ATP8B4: variants seen among roughly 807,000 people sequenced by gnomAD.
ATP8B4 encodes ATPase phospholipid transporting 8B4 (putative), also known as probable phospholipid-transporting ATPase IM.
In ATP8B4, 133 loss-of-function variants were observed where a neutral mutation model predicts 145.6. The ratio of observed to expected loss-of-function variants is 0.91; its 90% CI spans 0.79 to 1.05. The LOEUF is 1.05. Ranked by LOEUF, ATP8B4 falls within the 50% of genes least tolerant of loss-of-function variation. The probability of loss-of-function intolerance (pLI) is 0.00; values close to 1 mark genes in which losing one functional copy is unlikely to be tolerated. For synonymous variants in ATP8B4, 507 were observed against 492.9 expected (o/e 1.03, Z -0.38); for missense variants, 1,458 against 1,425.2 (o/e 1.02, Z -0.37).
intron 1 of ATP8B4, among the ~76,000 whole-genome samples, chr15:50,162,134 G>T (rs1173723403): frequency 6.6e-6 from 1 of 152,020 alleles, no homozygotes. Context: ...TCTGCTACCA[G>T]ATGTATTGGA....
chr15:49,879,475 ACATAT>A lies in ATP8B4; in HGVS notation c.2698-21_2698-17del. 6.4e-7 allele frequency: 1 copy of A among 1,570,462 alleles called. No homozygotes were observed. The highest frequency in any genetic ancestry group is 8.7e-7 in the Non-Finnish European group (1 of 1,148,286). ...CATAAACAGTCTGAAAAGAAATATA[ACATAT>A]AAGTGAGAAACATCATCCATAGTAG... On this transcript the variant is annotated splice_polypyrimidine_tract_variant and intron_variant, in intron 23 of 27. Transcript: ENST00000284509.
In ATP8B4 at chr15:49,991,242, C is replaced by A. The variant is rs113200700; in HGVS notation, c.590-3693G>T. 6.6e-5 allele frequency among the ~76,000 whole-genome samples: 10 copies of A among 152,262 alleles called. 1 individual carries two copies. The highest frequency in any genetic ancestry group is 2.4e-4 in the African/African-American group (10 of 41,552). Reference sequence around the variant, plus strand: ...TTTCCATGTTTTAATTACACACATGCTATTCTTTAGAAAGAACCACAAAAT... The same window carrying A: ...TTTCCATGTTTTAATTACACACATGATATTCTTTAGAAAGAACCACAAAAT... On this transcript the variant is annotated intron_variant, in intron 9 of 27. Transcript: ENST00000284509.
intron 25 of ATP8B4, among the ~76,000 whole-genome samples, chr15:49,869,583 A>T (rs927199704): frequency 1.3e-5 from 2 of 152,230 alleles, no homozygotes; most frequent in African/African-American, 2.4e-5. Context: ...TATAGCTTAA[A>T]TTATATGAGG....
intron 20 of ATP8B4, chr15:49,908,201 C>A: frequency 2.3e-6 from 1 of 431,242 alleles, no homozygotes; most frequent in African/African-American, 2.0e-5. Flanking sequence ...TTATTAAAAT[C>A]TAGATCTGTT....
intron 3 of ATP8B4, among the ~76,000 whole-genome samples, chr15:50,049,862 G>C (rs1647000067): frequency 6.6e-6 from 1 of 151,988 alleles, no homozygotes; most frequent in Admixed American, 6.5e-5. Flanking sequence ...TGACTGGTGT[G>C]AGATGGCATC....
intron 3 of ATP8B4, among the ~76,000 whole-genome samples, chr15:50,051,893 A>G (rs1051733559): frequency 2.6e-5 from 4 of 152,200 alleles, no homozygotes; most frequent in African/African-American, 9.7e-5. Context: ...AGAAACTATG[A>G]CAATTTTCTC....
chr15:49,989,423 T>TA (rs11429655), intron 9 of ATP8B4, among the ~76,000 whole-genome samples: 50,089 of 148,444 alleles, frequency 0.34, 8,785 homozygotes, highest in East Asian at 0.65. Context: ...CCTAGCCACT[T>TA]AAAAAAAAAA....
chr15:50,178,301 C>G (rs977798416), intron 1 of ATP8B4, among the ~76,000 whole-genome samples: 2 of 152,172 alleles, frequency 1.3e-5, no homozygotes, highest in Non-Finnish European at 2.9e-5. Flanking sequence ...GACGGAGAAT[C>G]TCCATGTCTG....
intron 2 of ATP8B4, among the ~76,000 whole-genome samples, chr15:50,085,562 C>T (rs953261416): frequency 2.0e-5 from 3 of 151,940 alleles, no homozygotes; most frequent in Non-Finnish European, 4.4e-5. Context: ...TCACATCCTA[C>T]GGCACCTGGC....
chr15:50,138,188 C>T (rs1176924858), intron 1 of ATP8B4, among the ~76,000 whole-genome samples: 1 of 152,114 alleles, frequency 6.6e-6, no homozygotes, highest in African/African-American at 2.4e-5. Context: ...CATGTGTCTA[C>T]CTTGGGACTC....
chr15:50,071,224 T>C (rs1480845465), intron 3 of ATP8B4, among the ~76,000 whole-genome samples: 1 of 152,172 alleles, frequency 6.6e-6, no homozygotes, highest in Non-Finnish European at 1.5e-5. Flanking sequence ...TCATTAGCAT[T>C]TTATGACTTT....
rs116899804 is a variant in ATP8B4 at position 50,149,169 on chromosome 15, C to T, written c.-43+33092G>A. On this transcript the variant is annotated intron_variant, in intron 1 of 3. Coordinates refer to the ATP8B4 transcript ENST00000558829. The stretch of plus-strand genomic sequence containing the variant: ...CATTGTGTTAAGAACAATTCTGACA[C>T]ATGATTAGGCTCAGCCTAAGATAAT... Among the ~76,000 whole-genome samples, 68 of 152,300 alleles carry T rather than the reference C, an allele frequency of 4.5e-4. 1 individual carries two copies. The East Asian group carries it at 0.011, about 24-fold the overall frequency.
In ATP8B4 at chr15:49,972,784, T is replaced by G. The variant is rs1455099513; in HGVS notation, c.1041A>C (p.Glu347Asp). 1 of 1,613,312 alleles carries G rather than the reference T, an allele frequency of 6.2e-7. No homozygotes were observed. Among genetic ancestry groups the G allele is most frequent in the Admixed American group, 1.7e-5 (1 of 59,930 alleles). Residue 347 changes from glutamate (E) to aspartate (D), a missense_variant, in exon 13 of 28, where the codon GAA becomes GAC. Transcript: ENST00000284509. ...VVPISLYVSV[E>D]VIRLGHSYFI... ...AATAACTGTGTCCTAGACGAATTAC[T>G]TCCACACTATCATCCATTAAAATGG...
chr15:49,919,092 C>T, intron 18 of ATP8B4, 142 bp from the exon 19 acceptor site: 2 of 645,076 alleles, frequency 3.1e-6, no homozygotes, highest in Admixed American at 3.2e-5. Context: ...AGCAGGCATC[C>T]TATTTTGTGT....
intron 9 of ATP8B4, among the ~76,000 whole-genome samples, chr15:49,988,051 G>A (rs7180653): frequency 0.057 from 8,699 of 152,136 alleles, 352 homozygotes; most frequent in African/African-American, 0.11. Context: ...AAGAAACCTG[G>A]GCCTTGTTTG....
chr15:49,963,370 T>G (rs1877339640), intron 13 of ATP8B4, among the ~76,000 whole-genome samples: 1 of 152,136 alleles, frequency 6.6e-6, no homozygotes, highest in African/African-American at 2.4e-5. Context: ...CTCAAGGACC[T>G]AAAGGCAGAA....
Position 49,860,445 on chromosome 15 carries a change from C to T in ATP8B4, c.3328G>A (p.Ala1110Thr), listed in dbSNP as rs2031435888. The part of the protein sequence containing the change: ...IRRWQKAQKK[A>T]RPPSSRRPRT... ...GGCCTTCGGCTACTTGGAGGCCTTG[C>T]CTTCTTTTGAGCCTTCTGCCACCGG... Residue 1110 changes from alanine (A) to threonine (T), a missense_variant, in exon 28 of 28, where the codon GCA becomes ACA. Transcript: ENST00000284509. 14 of 1,612,766 alleles carry T rather than the reference C, an allele frequency of 8.7e-6. No individual in the cohort carries two copies. The highest frequency in any genetic ancestry group is 9.3e-6 in the Non-Finnish European group (11 of 1,179,642).
intron 18 of ATP8B4, among the ~76,000 whole-genome samples, chr15:49,919,217 C>T (rs1410298436): frequency 1.3e-5 from 2 of 152,106 alleles, no homozygotes; most frequent in Non-Finnish European, 2.9e-5. Flanking sequence ...AACATGTTAG[C>T]GTGAGCAGTA....
rs2054090260 is a variant in ATP8B4 at position 50,075,066 on chromosome 15, AT to A, written c.29-882del. ...ACCATTAAATTCCCTTAATCCCATA[AT>A]TCTCCAACTGGGTAGGTGACAGGTG... On this transcript the variant is annotated intron_variant, in intron 2 of 27. Coordinates refer to ENST00000284509, the MANE Select transcript of ATP8B4 (RefSeq NM_024837.4). 2.0e-5 allele frequency among the ~76,000 whole-genome samples: 3 copies of A among 152,276 alleles called. No homozygotes were observed. The South Asian group carries it at 6.2e-4, about 32-fold the overall frequency.
Sources: gnomAD v4.1 joint callset for allele counts (sites outside exome capture counted in the v4.1 genomes callset) on GRCh38, gnomAD v4.1.1 for gene constraint, MANE v1.5 for transcripts, NCBI Gene and HGNC (gene_info 2026-07-23, HGNC 2026-07-21) for gene names.